Variants in ADCY9 observed in about 807,000 individuals in gnomAD.
ADCY9 encodes adenylate cyclase 9, also known as adenylate cyclase type 9.
In ADCY9, 50 loss-of-function variants were observed where a neutral mutation model predicts 101.5. That is an observed-to-expected ratio of 0.49 (90% confidence interval 0.39 to 0.62). The LOEUF (loss-of-function observed/expected upper bound fraction) is 0.62, where lower values mean the gene tolerates loss of function less well. Among genes scored for constraint, ADCY9 ranks in the 20% least tolerant of loss-of-function variants. The pLI is 0.00. For missense variants in ADCY9, 1,662 were observed against 1,800.4 expected, an observed-to-expected ratio of 0.92 and a Z score of 1.39; for synonymous variants, 905 against 769.3, an observed-to-expected ratio of 1.18 and a Z score of -2.92.
intron 3 of ADCY9, among the ~76,000 whole-genome samples, chr16:3,997,621 C>T (rs965667091): frequency 2.0e-5 from 3 of 152,232 alleles, no homozygotes; most frequent in Non-Finnish European, 4.4e-5. Flanking sequence ...CACGCTCGGG[C>T]CTCCTGAGGG....
downstream of ADCY9, among the ~76,000 whole-genome samples, chr16:3,961,505 G>A (rs1309960049): frequency 6.6e-6 from 1 of 151,866 alleles, no homozygotes; most frequent in Admixed American, 6.6e-5. Context: ...AGGCAGCAAG[G>A]ACGGGTTATT....
rs1006530209 is a variant in ADCY9, at chr16:4,007,494, G to A, written c.1758C>T (p.Ala586=). Residue 586 remains alanine (A), a synonymous_variant, in exon 3 of 11, where the codon GCC becomes GCT. Transcript: ENST00000294016. ...CAATGACCTCAAAGCCAGAAAGCAA[G>A]GCCTCTGCACAGCTGCAGCGAGACT... ...AKESRCSCAE[A]LLSGFEVIDG... 2 of 1,614,102 alleles carry A rather than the reference G, an allele frequency of 1.2e-6. No homozygotes were observed. Among genetic ancestry groups the A allele is most frequent in the Non-Finnish European group, 1.7e-6 (2 of 1,180,034 alleles).
At chr16:4,066,870 T>G (rs1265444388) in intron 2 of ADCY9, among the ~76,000 whole-genome samples, 1 of 152,218 alleles carries the variant, frequency 6.6e-6, no homozygotes, top group Non-Finnish European at 1.5e-5. Flanking sequence ...ATAACCTGGT[T>G]CATCCCAACG....
intron 7 of ADCY9, chr16:3,982,888 A>C (rs1015349509): frequency 6.8e-6 from 2 of 294,912 alleles, no homozygotes; most frequent in Non-Finnish European, 1.3e-5. Context: ...CAGGCCCACT[A>C]CCCCCGCTCA....
intron 9 of ADCY9, 111 bp from the exon 10 acceptor site, chr16:3,974,821 C>T (rs2056080682): frequency 2.3e-6 from 2 of 855,032 alleles, no homozygotes; most frequent in African/African-American, 3.4e-5. Context: ...CGTGGTTGTA[C>T]ATCCACATAA....
At chr16:4,058,353 T>C (rs2056754048) in intron 2 of ADCY9, among the ~76,000 whole-genome samples, 1 of 150,260 alleles carries the variant, frequency 6.7e-6, no homozygotes, top group South Asian at 2.1e-4. Context: ...TAGTACCAGC[T>C]ACTCAGGAGG....
intron 5 of ADCY9, among the ~76,000 whole-genome samples, chr16:3,991,879 T>C (rs1378928645): frequency 1.3e-5 from 2 of 151,144 alleles, no homozygotes; most frequent in African/African-American, 4.9e-5. Flanking sequence ...GAGACCAGCC[T>C]GGCCAACATG....
chr16:4,023,126 A>C (rs552286212), intron 2 of ADCY9, among the ~76,000 whole-genome samples: 19 of 152,274 alleles, frequency 1.2e-4, no homozygotes, highest in Non-Finnish European at 2.6e-4. Context: ...TGAATTACAC[A>C]GACCAACTTT....
At chr16:3,961,594 T>C (rs950559670), downstream of ADCY9, among the ~76,000 whole-genome samples, 1 of 152,092 alleles carries the variant, frequency 6.6e-6, no homozygotes, top group Non-Finnish European at 1.5e-5. Flanking sequence ...AGCAACCTCA[T>C]TGGCCCCGGG....
intron 2 of ADCY9, among the ~76,000 whole-genome samples, chr16:4,011,846 T>C (rs192934607): frequency 1.3e-5 from 2 of 152,308 alleles, no homozygotes; most frequent in Non-Finnish European, 2.9e-5. Flanking sequence ...GCTAGTGAGC[T>C]GCTTCATCGC....
At chr16:4,060,258 G>A (rs2056766814) in intron 2 of ADCY9, among the ~76,000 whole-genome samples, 2 of 152,174 alleles carry the variant, frequency 1.3e-5, no homozygotes, top group Non-Finnish European at 2.9e-5. Flanking sequence ...GAGAATAAGG[G>A]AGCTATCACG....
Position 4,048,577 on chromosome 16 carries a change from G to T in ADCY9, c.1694-41019C>A, listed in dbSNP as rs116860469. 2.5e-4 allele frequency among the ~76,000 whole-genome samples: 38 copies of T among 152,214 alleles called. No individual in the cohort carries two copies. In the East Asian group the frequency reaches 6.6e-3, roughly 26 times the overall value. On this transcript the variant is annotated intron_variant, in intron 2 of 10. Transcript: ENST00000294016. ...TAGAGGGACACGGGTGAGATGAAAC[G>T]GACGTCAGTACCCCTGCAAGAATCA...
At chr16:4,015,404 C>T (rs558785962) in intron 2 of ADCY9, among the ~76,000 whole-genome samples, 74 of 152,216 alleles carry the variant, frequency 4.9e-4, no homozygotes, top group Non-Finnish European at 8.1e-4. Flanking sequence ...CACGAGCCTT[C>T]ACAAAGACTG....
rs1417470406 is a variant in ADCY9, at chr16:3,983,244, G to T, written c.2507C>A (p.Ala836Glu). Residue 836 changes from alanine (A) to glutamate (E), a missense_variant, in exon 7 of 11, where the codon GCG (alanine) becomes GAG (glutamate). This residue lies in a region of ADCY9 where 624 missense variants were observed against 639.1 expected (regional missense o/e 0.98). Transcript: ENST00000294016. ...AALLLEVLSL[A>E]VSIRMVFFLE... Reference sequence around the variant, plus strand: ...ACGCGGCGCTTACCTGATGGACACCGCGAGGGACAGCACCTCCAGCAGCAG... The same window carrying T: ...ACGCGGCGCTTACCTGATGGACACCTCGAGGGACAGCACCTCCAGCAGCAG... 1 of 1,550,664 alleles carries T rather than the reference G, an allele frequency of 6.4e-7. No individual in the cohort carries two copies. Among genetic ancestry groups the T allele is most frequent in the Non-Finnish European group, 8.7e-7 (1 of 1,146,940 alleles).
At chr16:4,107,162 C>T (rs2057082428) in intron 2 of ADCY9, among the ~76,000 whole-genome samples, 1 of 152,188 alleles carries the variant, frequency 6.6e-6, no homozygotes, top group Non-Finnish European at 1.5e-5. Flanking sequence ...TGTCTCCCAC[C>T]CCAGCTGTGG....
intron 2 of ADCY9, among the ~76,000 whole-genome samples, chr16:4,027,971 A>AT (rs1432997592): frequency 6.6e-6 from 1 of 152,072 alleles, no homozygotes; most frequent in Non-Finnish European, 1.5e-5. Context: ...CCACGATTCA[A>AT]TTACCTCCCA....
intron 2 of ADCY9, among the ~76,000 whole-genome samples, chr16:4,083,870 C>T (rs2056920740): frequency 6.6e-6 from 1 of 152,182 alleles, no homozygotes; most frequent in Admixed American, 6.5e-5. Context: ...GGGGTGGCAG[C>T]TCGGGTGTGC....
At chr16:3,988,367 A>G in intron 6 of ADCY9, among the ~76,000 whole-genome samples, 1 of 149,664 alleles carries the variant, frequency 6.7e-6, no homozygotes. Context: ...AACAGAGAAG[A>G]GTCTCACCCA....
chr16:4,109,529 T>C (rs372196974), intron 2 of ADCY9, among the ~76,000 whole-genome samples: 18 of 152,152 alleles, frequency 1.2e-4, no homozygotes, highest in East Asian at 9.6e-4. Flanking sequence ...TCTCCATTCA[T>C]ACCATAGCAA....
Sources: gnomAD v4.1 joint callset for allele counts (sites outside exome capture counted in the v4.1 genomes callset) on GRCh38, gnomAD v4.1.1 for gene constraint, gnomAD v4.1.1 regional missense constraint, MANE v1.5 for transcripts, NCBI Gene and HGNC (gene_info 2026-07-23, HGNC 2026-07-21) for gene names.